The following KAT2B variants were observed in gnomAD, a reference collection of about 807,000 sequenced individuals.
KAT2B encodes the protein lysine acetyltransferase 2B, also known as histone acetyltransferase KAT2B.
KAT2B carries 36 observed loss-of-function variants against 105.9 expected under a neutral mutation model. The ratio of observed to expected loss-of-function variants is 0.34; its 90% CI spans 0.26 to 0.45. KAT2B has a LOEUF of 0.45. Ranked by LOEUF, KAT2B falls within the 20% of genes least tolerant of loss-of-function variation. KAT2B has a pLI of 1.00. For synonymous variants in KAT2B, 397 were observed against 377.9 expected, an observed-to-expected ratio of 1.05 and a Z score of -0.59; for missense variants, 820 against 1,021.6, an observed-to-expected ratio of 0.80 and a Z score of 2.69.
intron 7 of KAT2B, among the ~76,000 whole-genome samples, chr3:20,115,538 T>A (rs1365228594): frequency 1.3e-5 from 2 of 152,172 alleles, no homozygotes; most frequent in African/African-American, 4.8e-5. Flanking sequence ...GTGCTCTAGG[T>A]CAATGTGTAT....
intron 1 of KAT2B, among the ~76,000 whole-genome samples, chr3:20,066,045 T>A (rs527527609): frequency 3.5e-4 from 53 of 152,264 alleles, no homozygotes; most frequent in African/African-American, 1.3e-3. Context: ...AGGCTAGAAG[T>A]CTGAGATCAA....
chr3:20,073,351 A>G (rs1575117367), intron 2 of KAT2B, among the ~76,000 whole-genome samples: 2 of 152,194 alleles, frequency 1.3e-5, no homozygotes, highest in Non-Finnish European at 2.9e-5. Flanking sequence ...CCTGACCATT[A>G]TAAGTGGGTG....
intron 13 of KAT2B, among the ~76,000 whole-genome samples, chr3:20,141,989 G>A (rs1010778256): frequency 6.6e-6 from 1 of 152,062 alleles, no homozygotes; most frequent in Non-Finnish European, 1.5e-5. Context: ...GCAGCACATC[G>A]TTCCGCATTA....
intron 1 of KAT2B, among the ~76,000 whole-genome samples, chr3:20,047,813 A>G (rs1697842267): frequency 6.6e-6 from 1 of 151,482 alleles, no homozygotes; most frequent in Admixed American, 6.6e-5. Context: ...ACGGGGTTTC[A>G]CCATGTTGGC....
At chr3:20,098,347 C>G (rs1280531166) in intron 3 of KAT2B, among the ~76,000 whole-genome samples, 1 of 152,032 alleles carries the variant, frequency 6.6e-6, no homozygotes, top group Admixed American at 6.6e-5. Context: ...GTCTAACTAC[C>G]TGGGTTTAAA....
chr3:20,057,180 CCTTAGGAG>C (rs1462058394), intron 1 of KAT2B, among the ~76,000 whole-genome samples: 2 of 152,044 alleles, frequency 1.3e-5, no homozygotes, highest in East Asian at 1.9e-4. Context: ...TGCAGATTAA[CCTTAGGAG>C]CTGGGAGAAG....
At chr3:20,111,828 C>T (rs1699127121) in intron 6 of KAT2B, 41 bp downstream of exon 6, 1 of 1,496,562 alleles carries the variant, frequency 6.7e-7, no homozygotes. Flanking sequence ...GATCCCAGAG[C>T]TTGAGGTTGC....
chr3:20,081,306 A>G (rs1426482263), intron 2 of KAT2B, among the ~76,000 whole-genome samples: 1 of 152,188 alleles, frequency 6.6e-6, no homozygotes, highest in East Asian at 1.9e-4. Flanking sequence ...GTGCAGGCCA[A>G]TGATACACGG....
intron 3 of KAT2B, among the ~76,000 whole-genome samples, chr3:20,099,394 A>G (rs1342033415): frequency 6.6e-6 from 1 of 152,212 alleles, no homozygotes; most frequent in Non-Finnish European, 1.5e-5. Flanking sequence ...TTTGTGCAGA[A>G]TAGATCTTGG....
At chr3:20,131,762 CTG>C (rs1279257272) in intron 11 of KAT2B, among the ~76,000 whole-genome samples, 2 of 151,814 alleles carry the variant, frequency 1.3e-5, no homozygotes, top group Admixed American at 6.6e-5. Flanking sequence ...TAGGGTCTCC[CTG>C]TGTTGCCCAG....
chr3:20,122,879 G>T, intron 9 of KAT2B, 75 bp downstream of exon 9: 6 of 1,522,272 alleles, frequency 3.9e-6, no homozygotes, highest in South Asian at 1.3e-5. Flanking sequence ...GTCAGAAGTG[G>T]GGATGCTAAT....
chr3:20,126,555 G>T (rs1699407982), intron 10 of KAT2B, among the ~76,000 whole-genome samples: 1 of 151,484 alleles, frequency 6.6e-6, no homozygotes, highest in South Asian at 2.1e-4. Context: ...GGGCATGGTG[G>T]CTCATGCCTG....
At chr3:20,066,624 C>G (rs139845144) in intron 1 of KAT2B, among the ~76,000 whole-genome samples, 38 of 152,006 alleles carry the variant, frequency 2.5e-4, no homozygotes, top group African/African-American at 8.2e-4. Context: ...GTCTCGAACT[C>G]CTGACCTCAT....
intron 2 of KAT2B, among the ~76,000 whole-genome samples, chr3:20,084,596 A>C (rs1698581339): frequency 6.6e-6 from 1 of 152,166 alleles, no homozygotes. Flanking sequence ...ATAATTAATA[A>C]ATGCAAAAAA....
At chr3:20,109,133 A>G (rs1359801199) in intron 5 of KAT2B, among the ~76,000 whole-genome samples, 3 of 152,204 alleles carry the variant, frequency 2.0e-5, no homozygotes, top group African/African-American at 7.2e-5. Context: ...GTTGTTAAGC[A>G]AGACATGAAA....
chr3:20,060,887 A>G (rs917874899), intron 1 of KAT2B, among the ~76,000 whole-genome samples: 2 of 152,116 alleles, frequency 1.3e-5, no homozygotes, highest in African/African-American at 4.8e-5. Flanking sequence ...TGAGGTTGTA[A>G]TAAACCATGA....
intron 2 of KAT2B, among the ~76,000 whole-genome samples, chr3:20,082,017 A>G (rs1698529640): frequency 6.6e-6 from 1 of 151,728 alleles, no homozygotes; most frequent in Non-Finnish European, 1.5e-5. Context: ...TAAATATTTC[A>G]ATATACAGTT....
chr3:20,047,099 T>C (rs1697825459), intron 1 of KAT2B, among the ~76,000 whole-genome samples: 1 of 151,154 alleles, frequency 6.6e-6, no homozygotes. Flanking sequence ...TTTCTGAGGC[T>C]TTTTTGAGGC....
At chr3:20,107,689 C>G (rs1699046818) in intron 5 of KAT2B, among the ~76,000 whole-genome samples, 1 of 149,028 alleles carries the variant, frequency 6.7e-6, no homozygotes, top group Non-Finnish European at 1.5e-5. Flanking sequence ...AAACAAAAAA[C>G]CCACAAAAAT....
Sources: gnomAD v4.1 joint callset for allele counts (sites outside exome capture counted in the v4.1 genomes callset) on GRCh38, gnomAD v4.1.1 for gene constraint, MANE v1.5 for transcripts, NCBI Gene and HGNC (gene_info 2026-07-23, HGNC 2026-07-21) for gene names.